The following CHD2 variants were observed in gnomAD, a reference collection of about 807,000 sequenced individuals.
CHD2 encodes the protein ATP-dependent chromatin remodeler CHD2.
A neutral mutation model predicts 243.9 loss-of-function variants in CHD2; 28 were observed. The observed-to-expected ratio is 0.11, with a 90% CI of 0.09 to 0.16. CHD2 has a LOEUF of 0.16. Ranked by LOEUF, CHD2 falls within the 10% of genes least tolerant of loss-of-function variation. CHD2 has a pLI of 1.00. For missense variants in CHD2, 1,386 were observed against 2,209.8 expected (o/e 0.63, Z 7.47); for synonymous variants, 775 against 779.0 (o/e 0.99, Z 0.09).
intron 23 of CHD2, among the ~76,000 whole-genome samples, 187 bp from the exon 24 acceptor site, chr15:92,981,178 A>G (rs2053975421): frequency 6.6e-6 from 1 of 152,102 alleles, no homozygotes; most frequent in Non-Finnish European, 1.5e-5. Flanking sequence ...TGTCATTTGT[A>G]TAAATTATAG....
chr15:93,014,663 C>T (rs1419052400), intron 36 of CHD2, 33 bp from the exon 37 acceptor site: 27 of 1,593,476 alleles, frequency 1.7e-5, no homozygotes, highest in Non-Finnish European at 2.2e-5. Flanking sequence ...AGCCTGGGAT[C>T]TTGAGCTTCT....
intron 16 of CHD2, among the ~76,000 whole-genome samples, chr15:92,959,394 T>A (rs2053657026): frequency 6.6e-6 from 1 of 152,252 alleles, no homozygotes; most frequent in Non-Finnish European, 1.5e-5. Flanking sequence ...AATGTCATGC[T>A]TTGTTTCTGG....
chr15:92,948,035 T>G (rs2053497610), intron 12 of CHD2, among the ~76,000 whole-genome samples: 1 of 152,172 alleles, frequency 6.6e-6, no homozygotes, highest in South Asian at 2.1e-4. Flanking sequence ...GTAAAGAAAT[T>G]GTATAACTTT....
chr15:92,942,051 T>C, intron 8 of CHD2, 96 bp downstream of exon 8: 1 of 1,193,324 alleles, frequency 8.4e-7, no homozygotes, highest in Non-Finnish European at 1.2e-6. Flanking sequence ...TTTAGTCTAC[T>C]GCTGTATTTG....
At chr15:92,979,112 C>G (rs370128801) in intron 21 of CHD2, 23 bp from the exon 22 acceptor site, 36 of 1,612,290 alleles carry the variant, frequency 2.2e-5, no homozygotes, top group Non-Finnish European at 2.8e-5. Context: ...CAGGCATAAG[C>G]ATAACAGTTC....
At chr15:92,946,282 T>C in intron 12 of CHD2, 66 bp downstream of exon 12, 1 of 1,246,332 alleles carries the variant, frequency 8.0e-7, no homozygotes, top group South Asian at 2.1e-5. Context: ...ATTGGACACA[T>C]ATGTGCTGAG....
At chr15:92,942,116 A>ATGTGTACAC (rs2053391162) in intron 8 of CHD2, among the ~76,000 whole-genome samples, 161 bp downstream of exon 8, 1 of 152,216 alleles carries the variant, frequency 6.6e-6, no homozygotes, top group African/African-American at 2.4e-5. Flanking sequence ...GGACAAAGGT[A>ATGTGTACAC]TGTGTACACT....
At chr15:92,944,341 T>G (rs2053429452) in intron 9 of CHD2, 74 bp from the exon 10 acceptor site, 1 of 744,048 alleles carries the variant, frequency 1.3e-6, no homozygotes, top group South Asian at 2.0e-5. Flanking sequence ...TTTCCACCTT[T>G]GACTTTTGCT....
intron 7 of CHD2, among the ~76,000 whole-genome samples, chr15:92,941,155 T>A (rs927068078): frequency 1.3e-5 from 2 of 150,918 alleles, no homozygotes; most frequent in Admixed American, 6.6e-5. Flanking sequence ...GCGCCCACCA[T>A]GCCGGCTAAT....
intron 38 of CHD2, chr15:93,020,520 A>G (rs959008023): frequency 1.2e-5 from 7 of 598,350 alleles, no homozygotes; most frequent in Admixed American, 6.0e-5. Flanking sequence ...GCCATAAAAT[A>G]TTAGAGTCAA....
At chr15:92,972,001 T>A in intron 18 of CHD2, 74 bp downstream of exon 18, 1 of 1,454,808 alleles carries the variant, frequency 6.9e-7, no homozygotes, top group Non-Finnish European at 9.3e-7. Flanking sequence ...CAGAATGCTC[T>A]ATTTCCTTGT....
chr15:92,968,259 C>T (rs1317493407), intron 17 of CHD2, among the ~76,000 whole-genome samples: 1 of 152,166 alleles, frequency 6.6e-6, no homozygotes, highest in Non-Finnish European at 1.5e-5. Flanking sequence ...TGGTGGCTCA[C>T]GCCTATAATC....
At chr15:93,002,098 C>T (rs2054264206) in intron 32 of CHD2, 79 bp from the exon 33 acceptor site, 7 of 1,517,484 alleles carry the variant, frequency 4.6e-6, no homozygotes, top group Non-Finnish European at 5.3e-6. Context: ...CCACTGGGGG[C>T]AGTGCTTCTT....
At chr15:92,989,025 CTTTTTT>C (rs34298248) in intron 26 of CHD2, among the ~76,000 whole-genome samples, 123 of 76,520 alleles carry the variant, frequency 1.6e-3, no homozygotes, top group African/African-American at 6.1e-3. Context: ...ATACTTCATA[CTTTTTT>C]TTTTTTTTTT....
rs745311012 is a variant in CHD2 at position 93,000,614 on chromosome 15, A to G, written c.4111A>G (p.Asn1371Asp). 4 of 1,613,260 alleles carry G rather than the reference A, an allele frequency of 2.5e-6. No individual in the cohort carries two copies. The South Asian group carries it at 4.4e-5, about 18-fold the overall frequency. The stretch of plus-strand genomic sequence containing the variant: ...GCTTTCATCTCCTAGGCATTCAGAT[A>G]ATCCATCAGAAGAGGGAGAAGTGAA... ...IELSSPRHSD[N>D]PSEEGEVKDD... is the part of the protein sequence containing the mutation. The change falls in exon 32 of 39, where the codon AAT becomes GAT. Residue 1371 changes from asparagine to aspartate, a missense_variant. Asn to Asp is a conservative substitution (Grantham distance 23). Around this residue, in one of 19 missense-constraint regions of CHD2, gnomAD observed 125 missense variants for 128.9 expected, o/e 0.97. Transcript: ENST00000394196.
chr15:92,938,139 A>G (rs1253658651), intron 6 of CHD2, among the ~76,000 whole-genome samples: 2 of 152,216 alleles, frequency 1.3e-5, no homozygotes, highest in African/African-American at 4.8e-5. Flanking sequence ...ATTGCTTAGA[A>G]TGGACTCAGC....
chr15:92,967,553 C>G (rs1390121198), intron 17 of CHD2, 40 bp downstream of exon 17: 4 of 1,477,192 alleles, frequency 2.7e-6, no homozygotes, highest in Admixed American at 1.9e-5. Flanking sequence ...GGGTTGAGAT[C>G]AGTACCATGA....
intron 8 of CHD2, 36 bp from the exon 9 acceptor site, chr15:92,942,805 AAT>A: frequency 6.6e-7 from 1 of 1,509,160 alleles, no homozygotes; most frequent in East Asian, 2.3e-5. Context: ...TATCTGGTGT[AAT>A]ATACTCTCTT....
intron 2 of CHD2, 64 bp from the exon 3 acceptor site, chr15:92,924,257 T>G: frequency 6.9e-7 from 1 of 1,446,868 alleles, no homozygotes; most frequent in Non-Finnish European, 9.5e-7. Flanking sequence ...TGAGAATTTT[T>G]TTTTAAGCAG....
Sources: gnomAD v4.1 joint callset for allele counts (sites outside exome capture counted in the v4.1 genomes callset) on GRCh38, gnomAD v4.1.1 for gene constraint, gnomAD v4.1.1 regional missense constraint, MANE v1.5 for transcripts, NCBI Gene and HGNC (gene_info 2026-07-23, HGNC 2026-07-21) for gene names.